The following KAT14 variants were observed in gnomAD, a reference collection of about 807,000 sequenced individuals.
KAT14 encodes the protein cysteine-rich protein 2-binding protein.
KAT14 carries 66 observed loss-of-function variants against 78.4 expected under a neutral mutation model. That is an observed-to-expected ratio of 0.84 (90% CI 0.69 to 1.03). The LOEUF (loss-of-function observed/expected upper bound fraction) is 1.03, where lower values mean the gene tolerates loss of function less well. KAT14 is among the 50% of genes least tolerant of loss of function. KAT14 has a pLI of 0.00. For synonymous variants in KAT14, 344 were observed against 359.4 expected (o/e 0.96, Z 0.48); for missense variants, 870 against 972.5 (o/e 0.89, Z 1.40).
intron 7 of KAT14, among the ~76,000 whole-genome samples, chr20:18,170,466 G>C (rs928231301): frequency 1.3e-5 from 2 of 152,218 alleles, no homozygotes; most frequent in East Asian, 1.9e-4. Context: ...TTGGATGACA[G>C]CATATCTGTT....
At chr20:18,156,534 A>G (rs759203203) in intron 4 of KAT14, among the ~76,000 whole-genome samples, 1 of 152,218 alleles carries the variant, frequency 6.6e-6, no homozygotes, top group Non-Finnish European at 1.5e-5. Context: ...TTAGCTGGCT[A>G]TATTAGTTTG....
chr20:18,142,129 T>C (rs2037610118), intron 1 of KAT14, 79 bp from the exon 2 acceptor site: 1 of 1,398,786 alleles, frequency 7.1e-7, no homozygotes, highest in African/African-American at 1.4e-5. Context: ...TTGGTAACAC[T>C]GTTATTTGGA....
chr20:18,187,472 T>C lies in KAT14; in HGVS notation c.*13T>C. 1 of 1,613,580 alleles carries C rather than the reference T, an allele frequency of 6.2e-7. No individual in the cohort carries two copies. Among genetic ancestry groups the C allele is most frequent in the South Asian group, 1.1e-5 (1 of 90,880 alleles). On this transcript the variant is annotated 3_prime_UTR_variant, in exon 11 of 11. Transcript: ENST00000688188. ...GCTCCGGCGCTGATGCGAATACAGC[T>C]CACAGAGAAACGCATGTGCTATTGG... is the stretch of plus-strand genomic sequence containing the variant.
chr20:18,145,256 T>C lies in KAT14; in HGVS notation c.283T>C (p.Tyr95His). The C allele has an allele frequency of 6.2e-7, 1 of 1,614,124 alleles. No homozygotes were observed. Among genetic ancestry groups the C allele is most frequent in the Non-Finnish European group, 8.5e-7 (1 of 1,179,986 alleles). The change falls in exon 3 of 11, where the codon TAC becomes CAC. Residue 95 changes from tyrosine (Y) to histidine (H), a missense_variant. Coordinates refer to ENST00000688188, the MANE Select transcript of KAT14 (RefSeq NM_001392073.1). ...AGGTCAGCTGAGGGAACAGCTCAGT[T>C]ACCTTAAGGGTGATAATTTTTTTAG... is the stretch of plus-strand genomic sequence containing the variant. ...PASQLREQLS[Y>H]LKGDNFFRFT...
At chr20:18,147,719 G>A (rs1362869908) in intron 3 of KAT14, among the ~76,000 whole-genome samples, 2 of 152,138 alleles carry the variant, frequency 1.3e-5, no homozygotes, top group Non-Finnish European at 2.9e-5. Flanking sequence ...CTAGTAGCTG[G>A]GATTACAGGC....
In KAT14 at chr20:18,146,805, A is replaced by G. The variant is rs142414027; in HGVS notation, c.378+1454A>G. Among the ~76,000 whole-genome samples, 191 of 152,112 alleles carry G rather than the reference A, an allele frequency of 1.3e-3. 1 individual carries two copies. Among genetic ancestry groups the G allele is most frequent in the Non-Finnish European group, 2.2e-3 (150 of 67,988 alleles). ...GGCTGCAATGAGCTGTGATCGAGCC[A>G]CTGTACTCCAGCCTGGGTGGTGACA... On this transcript the variant is annotated intron_variant, in intron 3 of 10. Coordinates refer to ENST00000688188, the MANE Select transcript of KAT14 (RefSeq NM_001392073.1).
intron 7 of KAT14, among the ~76,000 whole-genome samples, chr20:18,167,402 A>G (rs1230334920): frequency 1.3e-5 from 2 of 152,198 alleles, no homozygotes; most frequent in Non-Finnish European, 2.9e-5. Flanking sequence ...GTAAAGCTTT[A>G]TATGCTTGTG....
At chr20:18,166,745 G>T (rs1280878731) in intron 7 of KAT14, among the ~76,000 whole-genome samples, 3 of 152,114 alleles carry the variant, frequency 2.0e-5, no homozygotes, top group Non-Finnish European at 4.4e-5. Context: ...TCTTTACCTT[G>T]TTATAGGTTT....
In KAT14 at chr20:18,159,281, C is replaced by T; in HGVS notation, c.682+16C>T. On this transcript the variant is annotated intron_variant, in intron 5 of 10. Transcript: ENST00000688188. ...AAAATAAAAGGTACTGTTGTGAGAA[C>T]AGTACAAAAGTTGCTAGTCAGACCA... 2 of 1,611,746 alleles carry T rather than the reference C, an allele frequency of 1.2e-6. No individual in the cohort carries two copies. The highest frequency in any genetic ancestry group is 1.7e-6 in the Non-Finnish European group (2 of 1,179,372).
intron 1 of KAT14, among the ~76,000 whole-genome samples, chr20:18,141,774 C>T (rs1462292354): frequency 1.3e-5 from 2 of 152,098 alleles, no homozygotes; most frequent in Non-Finnish European, 2.9e-5. Flanking sequence ...GTCTCAGCTA[C>T]TCGGGAGGCT....
chr20:18,160,630 A>C (rs2038384593), intron 5 of KAT14, among the ~76,000 whole-genome samples: 1 of 152,152 alleles, frequency 6.6e-6, no homozygotes, highest in African/African-American at 2.4e-5. Context: ...AAAAAGTAAT[A>C]GAGATAGGGT....
intron 7 of KAT14, among the ~76,000 whole-genome samples, chr20:18,168,235 T>A (rs2038724191): frequency 6.6e-6 from 1 of 152,180 alleles, no homozygotes; most frequent in African/African-American, 2.4e-5. Flanking sequence ...TGATAAGAAA[T>A]AGAAATTTTT....
At chr20:18,158,936 AG>A (rs2038317341) in intron 4 of KAT14, 147 bp from the exon 5 acceptor site, 1 of 959,198 alleles carries the variant, frequency 1.0e-6, no homozygotes, top group Non-Finnish European at 1.4e-6. Flanking sequence ...CGAACTCCAG[AG>A]CCTCTCTCCT....
At chr20:18,182,129 A>T (rs6136319) in intron 8 of KAT14, among the ~76,000 whole-genome samples, 134,577 of 150,740 alleles carry the variant, frequency 0.89, 60,549 homozygotes, top group East Asian at 0.99. Flanking sequence ...TATTATTATT[A>T]TTTTTTTTTT....
chr20:18,184,609 C>T lies in KAT14; in HGVS notation c.1989C>T (p.Asp663=), dbSNP rs1264443261. Residue 663 remains aspartate, a synonymous_variant, in exon 10 of 11, where the codon GAC becomes GAT. Transcript: ENST00000688188. ...ATGGTTTCTTTTCTTTAGGCATTGA[C>T]CTGTCTGAGTGTCTGCAGTACCCAG... The part of the protein sequence containing the change: ...MCQEFFWPGI[D]LSECLQYPDF... The T allele has an allele frequency of 6.2e-7, 1 of 1,606,236 alleles. No homozygotes were observed. The highest frequency in any genetic ancestry group is 2.2e-5 in the East Asian group (1 of 44,644).
At chr20:18,184,040 A>C (rs2039361833) in intron 9 of KAT14, among the ~76,000 whole-genome samples, 1 of 152,248 alleles carries the variant, frequency 6.6e-6, no homozygotes, top group Non-Finnish European at 1.5e-5. Flanking sequence ...ACTGAGCCAA[A>C]AGTAACATTC....
intron 2 of KAT14, among the ~76,000 whole-genome samples, chr20:18,144,380 C>G (rs1417303744): frequency 1.3e-5 from 2 of 152,286 alleles, no homozygotes; most frequent in East Asian, 3.9e-4. Context: ...TTCTTTGATT[C>G]CCACACAACT....
intron 7 of KAT14, 99 bp from the exon 8 acceptor site, chr20:18,181,611 C>T (rs1600241688): frequency 9.8e-6 from 15 of 1,528,764 alleles, no homozygotes; most frequent in Middle Eastern, 2.0e-4. Context: ...CCTTGTGATC[C>T]GCCTACCTCA....
At chr20:18,157,932 C>G (rs1280691364) in intron 4 of KAT14, among the ~76,000 whole-genome samples, 1 of 152,256 alleles carries the variant, frequency 6.6e-6, no homozygotes, top group Non-Finnish European at 1.5e-5. Flanking sequence ...TTCATTCTCT[C>G]CATCTCAGAT....
Sources: gnomAD v4.1 joint callset for allele counts (sites outside exome capture counted in the v4.1 genomes callset) on GRCh38, gnomAD v4.1.1 for gene constraint, MANE v1.5 for transcripts, NCBI Gene and HGNC (gene_info 2026-07-23, HGNC 2026-07-21) for gene names.